The following HS6ST3 variants were observed in gnomAD, a reference collection of about 807,000 sequenced individuals.
HS6ST3 encodes heparan-sulfate 6-O-sulfotransferase 3.
In HS6ST3, 12 loss-of-function variants were observed where a neutral mutation model predicts 36.7. The ratio of observed to expected loss-of-function variants is 0.33; its 90% CI spans 0.21 to 0.53. The LOEUF is 0.53. Ranked by LOEUF, HS6ST3 falls within the 20% of genes least tolerant of loss-of-function variation. HS6ST3 has a pLI of 0.95. For missense variants in HS6ST3, 584 were observed against 640.9 expected, an observed-to-expected ratio of 0.91 and a Z score of 0.96; for synonymous variants, 240 against 257.5, an observed-to-expected ratio of 0.93 and a Z score of 0.65.
intron 1 of HS6ST3, among the ~76,000 whole-genome samples, chr13:96,471,178 C>A (rs1289569030): frequency 6.6e-6 from 1 of 152,184 alleles, no homozygotes; most frequent in Non-Finnish European, 1.5e-5. Flanking sequence ...GCTGCCAGGG[C>A]ATGGAGGACT....
intron 1 of HS6ST3, among the ~76,000 whole-genome samples, chr13:96,826,314 A>C (rs2138545736): frequency 6.6e-6 from 1 of 152,312 alleles, no homozygotes; most frequent in East Asian, 1.9e-4. Flanking sequence ...GTATCAGTTT[A>C]GTTTTAGGAG....
chr13:96,578,085 G>C (rs990585400), intron 1 of HS6ST3, among the ~76,000 whole-genome samples: 1 of 152,168 alleles, frequency 6.6e-6, no homozygotes, highest in South Asian at 2.1e-4. Context: ...GTGGACTCTG[G>C]TTTTTGGAGT....
At chr13:96,421,448 A>G (rs779931990) in intron 1 of HS6ST3, among the ~76,000 whole-genome samples, 1 of 152,210 alleles carries the variant, frequency 6.6e-6, no homozygotes, top group Non-Finnish European at 1.5e-5. Flanking sequence ...ACTTACTTAG[A>G]ATATTTCAAT....
intron 1 of HS6ST3, among the ~76,000 whole-genome samples, chr13:96,445,449 A>G (rs2055693404): frequency 6.6e-6 from 1 of 152,156 alleles, no homozygotes; most frequent in African/African-American, 2.4e-5. Context: ...GCCTCCTTTT[A>G]AAGAATAACT....
At chr13:96,140,285 T>C (rs78764064) in intron 1 of HS6ST3, among the ~76,000 whole-genome samples, 3,065 of 152,312 alleles carry the variant, frequency 0.02, 90 homozygotes, top group African/African-American at 0.068. Flanking sequence ...ACTGTAATAA[T>C]TTTGTAACCA....
At chr13:96,661,879 C>A (rs2056647665) in intron 1 of HS6ST3, among the ~76,000 whole-genome samples, 1 of 152,084 alleles carries the variant, frequency 6.6e-6, no homozygotes, top group Admixed American at 6.6e-5. Context: ...ATACAAAATT[C>A]TTTTCTGGCA....
intron 1 of HS6ST3, among the ~76,000 whole-genome samples, chr13:96,441,024 A>G (rs1345832763): frequency 6.6e-6 from 1 of 152,124 alleles, no homozygotes; most frequent in East Asian, 1.9e-4. Context: ...GTGGAGCCCT[A>G]TTGGGATTAG....
At chr13:96,730,290 T>A (rs113659218) in intron 1 of HS6ST3, among the ~76,000 whole-genome samples, 1,777 of 152,282 alleles carry the variant, frequency 0.012, 12 homozygotes, top group Middle Eastern at 0.037. Context: ...AGGTTTTTTT[T>A]AAATTTTTTT....
rs12866768 is a variant in HS6ST3, at chr13:96,496,106, C to T, written c.708-336384C>T. Among the ~76,000 whole-genome samples the T allele has an allele frequency of 2.2e-3, 342 of 152,304 alleles. 3 individuals carry two copies. The highest frequency in any genetic ancestry group is 0.01 in the Middle Eastern group (3 of 294). Reference sequence around the variant, plus strand: ...GCAGTGAGTTAAGGAGCACTGGCCACAGTAAAGGGCAGGAACTGTGCTCCC... The same window carrying T: ...GCAGTGAGTTAAGGAGCACTGGCCATAGTAAAGGGCAGGAACTGTGCTCCC... On this transcript the variant is annotated intron_variant, in intron 1 of 1. Transcript: ENST00000376705.
intron 1 of HS6ST3, among the ~76,000 whole-genome samples, chr13:96,097,375 T>C (rs753307679): frequency 2.5e-4 from 38 of 152,302 alleles, no homozygotes; most frequent in Non-Finnish European, 4.9e-4. Context: ...TATTTATGCT[T>C]GATAATGAAC....
intron 1 of HS6ST3, among the ~76,000 whole-genome samples, chr13:96,273,397 C>T (rs1308519604): frequency 6.6e-6 from 1 of 151,936 alleles, no homozygotes; most frequent in Non-Finnish European, 1.5e-5. Flanking sequence ...GCTTGGGTCC[C>T]ACGTGATGGC....
chr13:96,741,320 G>A (rs1876433442), intron 1 of HS6ST3, among the ~76,000 whole-genome samples: 1 of 152,150 alleles, frequency 6.6e-6, no homozygotes, highest in Non-Finnish European at 1.5e-5. Flanking sequence ...AAAAGAATCA[G>A]CTTCTTGGTA....
Position 96,480,305 on chromosome 13 carries a change from G to A in HS6ST3, c.708-352185G>A, listed in dbSNP as rs183896098. ...ATTTTTGTATTTTTAGTAGAGATGCGGTTTCACCATGTTGGCCAGGCTGGT... is the reference window on the plus strand; with the variant it reads ...ATTTTTGTATTTTTAGTAGAGATGCAGTTTCACCATGTTGGCCAGGCTGGT... On this transcript the variant is annotated intron_variant, in intron 1 of 1. Transcript: ENST00000376705. Among the ~76,000 whole-genome samples, 624 of 152,110 alleles carry A rather than the reference G, an allele frequency of 4.1e-3. 3 individuals carry two copies. Among genetic ancestry groups the A allele is most frequent in the South Asian group, 9.6e-3 (46 of 4,808 alleles).
chr13:96,693,551 T>C (rs981332526), intron 1 of HS6ST3, among the ~76,000 whole-genome samples: 3 of 152,122 alleles, frequency 2.0e-5, no homozygotes, highest in Non-Finnish European at 4.4e-5. Context: ...GATCCACCTG[T>C]CTCGGCCTCC....
intron 1 of HS6ST3, among the ~76,000 whole-genome samples, chr13:96,658,816 G>A (rs368054330): frequency 4.7e-5 from 7 of 149,890 alleles, no homozygotes; most frequent in East Asian, 4.1e-4. Context: ...AGCAGTTCTC[G>A]TGCCTCAGCC....
chr13:96,217,826 A>G lies in HS6ST3; in HGVS notation c.707+126257A>G, dbSNP rs530717972. ...CATGTGTATATATTTATATACATGTATGTGTTTATGTGTATAGTTAGATAC... is the reference window on the plus strand; with the variant it reads ...CATGTGTATATATTTATATACATGTGTGTGTTTATGTGTATAGTTAGATAC... On this transcript the variant is annotated intron_variant, in intron 1 of 1. Coordinates refer to ENST00000376705, the MANE Select transcript of HS6ST3 (RefSeq NM_153456.4). Among the ~76,000 whole-genome samples, 21 of 152,290 alleles carry G rather than the reference A, an allele frequency of 1.4e-4. No individual in the cohort carries two copies. In the East Asian group the frequency reaches 3.9e-3, roughly 28 times the overall value.
At chr13:96,362,013 C>T (rs1433922145) in intron 1 of HS6ST3, among the ~76,000 whole-genome samples, 2 of 152,232 alleles carry the variant, frequency 1.3e-5, no homozygotes, top group East Asian at 3.9e-4. Context: ...TTGTAACAAG[C>T]CCTCCCCGTG....
intron 1 of HS6ST3, among the ~76,000 whole-genome samples, chr13:96,539,448 C>G (rs113206660): frequency 6.6e-6 from 1 of 151,946 alleles, no homozygotes; most frequent in Non-Finnish European, 1.5e-5. Context: ...CTCTGCCTCT[C>G]GGGTTCAAGT....
chr13:96,215,613 ATTTC>A (rs2054421536), intron 1 of HS6ST3, among the ~76,000 whole-genome samples: 1 of 152,034 alleles, frequency 6.6e-6, no homozygotes, highest in African/African-American at 2.4e-5. Flanking sequence ...TGTAGTTTCA[ATTTC>A]TTTGTTGTTA....
Sources: gnomAD v4.1 joint callset for allele counts (sites outside exome capture counted in the v4.1 genomes callset) on GRCh38, gnomAD v4.1.1 for gene constraint, MANE v1.5 for transcripts, NCBI Gene and HGNC (gene_info 2026-07-23, HGNC 2026-07-21) for gene names.